The following ADAM18 variants were observed in gnomAD, a reference collection of about 807,000 sequenced individuals.
The protein encoded by ADAM18 is disintegrin and metalloproteinase domain-containing protein 18.
Under a neutral mutation model 94.4 loss-of-function variants are expected in ADAM18, and 117 were observed. The ratio of observed to expected loss-of-function variants is 1.24; its 90% CI spans 1.07 to 1.45. The LOEUF (loss-of-function observed/expected upper bound fraction) is 1.45. Among genes scored for constraint, ADAM18 ranks in the 40% most tolerant of loss-of-function variants. The pLI is 0.00. For missense variants in ADAM18, 936 were observed against 880.0 expected (o/e 1.06, Z -0.81); for synonymous variants, 327 against 291.6 (o/e 1.12, Z -1.24).
chr8:39,646,187 C>G (rs1400820928), intron 11 of ADAM18, among the ~76,000 whole-genome samples: 1 of 152,070 alleles, frequency 6.6e-6, no homozygotes, highest in African/African-American at 2.4e-5. Context: ...AGATTTTGCT[C>G]TTTAAGTATT....
At chr8:39,661,886 A>G (rs1423278136) in intron 12 of ADAM18, among the ~76,000 whole-genome samples, 1 of 151,344 alleles carries the variant, frequency 6.6e-6, no homozygotes, top group Non-Finnish European at 1.5e-5. Context: ...TTCGACAAAG[A>G]CTACCTAGAA....
chr8:39,609,448 C>T lies in ADAM18; in HGVS notation c.268-37C>T, dbSNP rs370720078. ...TTGACAATACATTTTTTATTCACAA[C>T]GAATTTATATACTTGCCTTTCTATA... On this transcript the variant is annotated intron_variant, in intron 4 of 19. Coordinates refer to ENST00000265707, the MANE Select transcript of ADAM18 (RefSeq NM_014237.3). The T allele has an allele frequency of 7.4e-5, 108 of 1,459,066 alleles. 1 individual carries two copies. Among genetic ancestry groups the T allele is most frequent in the African/African-American group, 3.2e-4 (23 of 71,804 alleles). The allele number at this position is 1,459,066 out of a possible 1,614,324, so 90.4% of individuals were successfully genotyped here.
chr8:39,677,410 C>T (rs1821328478), intron 14 of ADAM18, 21 bp from the exon 15 acceptor site: 1 of 1,556,166 alleles, frequency 6.4e-7, no homozygotes, highest in Non-Finnish European at 8.8e-7. Context: ...GATAATTCAA[C>T]TGACATGTTT....
intron 6 of ADAM18, among the ~76,000 whole-genome samples, chr8:39,618,763 G>A (rs1396872866): frequency 3.3e-5 from 5 of 152,082 alleles, no homozygotes; most frequent in African/African-American, 4.8e-5. Context: ...CGCAAGGGTC[G>A]CATTCCATTC....
intron 18 of ADAM18, among the ~76,000 whole-genome samples, chr8:39,710,677 G>A: frequency 6.6e-6 from 1 of 152,088 alleles, no homozygotes; most frequent in East Asian, 1.9e-4. Flanking sequence ...GCTTCAGGGT[G>A]GGGTGGGAGG....
chr8:39,623,735 T>C (rs1563279797), intron 6 of ADAM18, among the ~76,000 whole-genome samples: 1 of 152,140 alleles, frequency 6.6e-6, no homozygotes, highest in Non-Finnish European at 1.5e-5. Context: ...TAGCTGGGAC[T>C]ACAGACACCT....
chr8:39,679,050 A>G (rs1051947259), intron 15 of ADAM18, among the ~76,000 whole-genome samples: 1 of 152,180 alleles, frequency 6.6e-6, no homozygotes, highest in African/African-American at 2.4e-5. Context: ...CAAAAGAAAT[A>G]TCAAGACCTG....
intron 7 of ADAM18, among the ~76,000 whole-genome samples, chr8:39,635,885 G>T (rs1352208834): frequency 6.6e-6 from 1 of 152,090 alleles, no homozygotes; most frequent in Non-Finnish European, 1.5e-5. Context: ...TGTTAAAGCA[G>T]TGTTGGTTTC....
At chr8:39,690,749 C>T (rs866048953) in intron 16 of ADAM18, among the ~76,000 whole-genome samples, 24 of 152,252 alleles carry the variant, frequency 1.6e-4, no homozygotes, top group African/African-American at 4.1e-4. Flanking sequence ...GAAACACACA[C>T]GATTGGTGGG....
chr8:39,621,404 G>T (rs547381014), intron 6 of ADAM18, among the ~76,000 whole-genome samples: 302 of 150,836 alleles, frequency 2.0e-3, no homozygotes, highest in Admixed American at 3.6e-3. Context: ...ATGACCACTG[G>T]GGAAAACTGG....
chr8:39,638,423 T>A (rs560755436), intron 9 of ADAM18, 42 bp from the exon 10 acceptor site: 1 of 1,331,030 alleles, frequency 7.5e-7, no homozygotes, highest in African/African-American at 1.6e-5. Context: ...GCTTACAAAT[T>A]GTTTTGCATA....
At chr8:39,705,279 C>A (rs1159646657) in intron 17 of ADAM18, among the ~76,000 whole-genome samples, 1 of 152,032 alleles carries the variant, frequency 6.6e-6, no homozygotes, top group Non-Finnish European at 1.5e-5. Context: ...TACGTAATCT[C>A]CAAAATATCA....
At chr8:39,726,810 C>G (rs1313034305) in intron 19 of ADAM18, among the ~76,000 whole-genome samples, 1 of 152,096 alleles carries the variant, frequency 6.6e-6, no homozygotes, top group East Asian at 1.9e-4. Flanking sequence ...GAGACTAGTG[C>G]AAGAACTCAG....
intron 12 of ADAM18, among the ~76,000 whole-genome samples, chr8:39,662,460 G>T (rs1039371840): frequency 3.9e-5 from 6 of 152,022 alleles, no homozygotes; most frequent in Non-Finnish European, 5.9e-5. Context: ...AAATTAAGAA[G>T]AATCCTGCCT....
At chr8:39,696,294 C>CA (rs1180514352) in intron 17 of ADAM18, among the ~76,000 whole-genome samples, 2 of 73,264 alleles carry the variant, frequency 2.7e-5, no homozygotes, top group Non-Finnish European at 5.2e-5. Context: ...AATTCCTTAT[C>CA]ATATATGTGA....
chr8:39,706,824 C>G lies in ADAM18; in HGVS notation c.1937C>G (p.Pro646Arg), dbSNP rs372075176. ...CNNFGNCQCF[P>R]GHRPPDCKFQ... is the part of the protein sequence containing the mutation. ...AATTTTGGTAATTGTCAATGCTTCC[C>G]TGGACATAGACCTCCAGATTGTAAA... Residue 646 changes from proline to arginine, a missense_variant, in exon 18 of 20, where the codon CCT becomes CGT. Transcript: ENST00000265707. 50 of 1,609,444 alleles carry G rather than the reference C, an allele frequency of 3.1e-5. No individual in the cohort carries two copies. In the East Asian group the frequency reaches 4.7e-4, roughly 15 times the overall value.
chr8:39,607,518 A>ATCAGAAAACCT (rs1819123401), intron 3 of ADAM18, among the ~76,000 whole-genome samples: 4 of 152,194 alleles, frequency 2.6e-5, no homozygotes, highest in Middle Eastern at 3.2e-3. Context: ...GTTTTCTGAT[A>ATCAGAAAACCT]GAATCATCAG....
chr8:39,660,260 C>T (rs937162556), intron 12 of ADAM18, among the ~76,000 whole-genome samples: 2 of 152,098 alleles, frequency 1.3e-5, no homozygotes, highest in South Asian at 2.1e-4. Flanking sequence ...TAAATAGTTA[C>T]TTTGACTATA....
At chr8:39,598,878 C>A (rs994216053) in intron 2 of ADAM18, among the ~76,000 whole-genome samples, 1 of 151,704 alleles carries the variant, frequency 6.6e-6, no homozygotes, top group Non-Finnish European at 1.5e-5. Context: ...GTGGTGCGAT[C>A]CCAGCTCACT....
Sources: gnomAD v4.1 joint callset for allele counts (sites outside exome capture counted in the v4.1 genomes callset) on GRCh38, gnomAD v4.1.1 for gene constraint, MANE v1.5 for transcripts, NCBI Gene and HGNC (gene_info 2026-07-23, HGNC 2026-07-21) for gene names.